RPAP2: variants seen among roughly 807,000 people sequenced by gnomAD.
RPAP2 encodes the protein RNA polymerase II associated protein 2.
A neutral mutation model predicts 73.1 loss-of-function variants in RPAP2; 52 were observed. The ratio of observed to expected loss-of-function variants is 0.71; its 90% confidence interval spans 0.57 to 0.90. RPAP2 has a LOEUF of 0.90. Ranked by LOEUF, RPAP2 falls within the 40% of genes least tolerant of loss-of-function variation. The pLI is 0.00. For missense variants in RPAP2, 598 were observed against 701.8 expected (o/e 0.85, Z 1.67); for synonymous variants, 225 against 242.1 (o/e 0.93, Z 0.65).
intron 12 of RPAP2, among the ~76,000 whole-genome samples, chr1:92,381,645 A>G (rs1655642439): frequency 6.6e-6 from 1 of 151,214 alleles, no homozygotes; most frequent in African/African-American, 2.4e-5. Context: ...AATGTTGTAA[A>G]ATAAAAATTA....
chr1:92,393,830 A>T lies in RPAP2; in HGVS notation c.*6819A>T, dbSNP rs1656115013. 1 of 152,088 alleles carries T rather than the reference A, an allele frequency of 6.6e-6. No individual in the cohort carries two copies. Among genetic ancestry groups the T allele is most frequent in the South Asian group, 2.1e-4 (1 of 4,826 alleles). 9.4% of individuals were successfully genotyped at this position (152,088 alleles called of 1,614,324 possible). Reference sequence around the variant, plus strand: ...ATCATTAAAAATCAGGAAACAATAGATGCTGGAGAGGTTGTGGAAAAATTG... The same window carrying T: ...ATCATTAAAAATCAGGAAACAATAGTTGCTGGAGAGGTTGTGGAAAAATTG... On this transcript the variant is annotated 3_prime_UTR_variant, in exon 13 of 13. Transcript: ENST00000610020.
intron 12 of RPAP2, among the ~76,000 whole-genome samples, chr1:92,381,494 A>C (rs1186109034): frequency 6.6e-6 from 1 of 151,816 alleles, no homozygotes; most frequent in Admixed American, 6.6e-5. Context: ...ATTTCACACA[A>C]TCCCAAAGTG....
In RPAP2 at chr1:92,380,833, A is replaced by G. The variant is rs369665737; in HGVS notation, c.1798A>G (p.Ser600Gly). The change falls in exon 12 of 13, where the codon AGT (serine) becomes GGT (glycine). Residue 600 changes from serine to glycine, a missense_variant. This residue lies in a region of RPAP2 where 15 missense variants were observed against 33.3 expected (regional missense o/e 0.45). Transcript: ENST00000610020. ...ELHLKNEDLESLTIIFRTSCL... is the reference protein window; with the variant it reads ...ELHLKNEDLEGLTIIFRTSCL... ...ACATCTAAAAAATGAAGACCTTGAA[A>G]GTCTAACCATCATATTTAGAACCAG... 34 of 1,603,968 alleles carry G rather than the reference A, an allele frequency of 2.1e-5. 1 individual carries two copies. The highest frequency in any genetic ancestry group is 3.4e-6 in the Non-Finnish European group (4 of 1,176,506).
At chr1:92,349,076 G>A (rs1654065388) in intron 11 of RPAP2, among the ~76,000 whole-genome samples, 1 of 152,048 alleles carries the variant, frequency 6.6e-6, no homozygotes, top group South Asian at 2.1e-4. Flanking sequence ...GGCATACATG[G>A]GTGTATGTCT....
At chr1:92,359,231 G>A (rs1654624942) in intron 11 of RPAP2, among the ~76,000 whole-genome samples, 1 of 152,210 alleles carries the variant, frequency 6.6e-6, no homozygotes, top group Admixed American at 6.5e-5. Flanking sequence ...AAGATATTAA[G>A]ACAGGTGGCT....
At chr1:92,312,418 C>CAA (rs55719262) in intron 6 of RPAP2, among the ~76,000 whole-genome samples, 1 of 146,736 alleles carries the variant, frequency 6.8e-6, no homozygotes, top group African/African-American at 2.5e-5. Flanking sequence ...GACCGTGTCT[C>CAA]AAAAAAAAAA....
Position 92,323,905 on chromosome 1 carries a change from A to G in RPAP2, c.985A>G (p.Ile329Val), listed in dbSNP as rs765093281. The change falls in exon 8 of 13, where the codon ATA (isoleucine) becomes GTA (valine). Residue 329 changes from isoleucine (I) to valine (V), a missense_variant. Physicochemically the swap from Ile to Val is conservative, Grantham distance 29. This residue lies in a region of RPAP2 where 506 missense variants were observed against 612.8 expected (regional missense o/e 0.83). Coordinates refer to ENST00000610020, the MANE Select transcript of RPAP2 (RefSeq NM_024813.3). ...TAGGTCAGAAATAACTCTAGTAGGC[A>G]TAAGTAAGAAAAGTGCAGAGCATTT... Reference protein sequence around the residue: ...YSRSEITLVGISKKSAEHFKR... With the variant: ...YSRSEITLVGVSKKSAEHFKR... The G allele has an allele frequency of 2.5e-6, 4 of 1,614,064 alleles. No homozygotes were observed. The African/African-American group carries it at 4.0e-5, about 16-fold the overall frequency.
intron 11 of RPAP2, among the ~76,000 whole-genome samples, chr1:92,369,217 T>A (rs1159956654): frequency 6.6e-6 from 1 of 152,236 alleles, no homozygotes; most frequent in Non-Finnish European, 1.5e-5. Flanking sequence ...TCAGCTGTAG[T>A]ATAAATTACT....
intron 2 of RPAP2, among the ~76,000 whole-genome samples, chr1:92,300,641 TA>T (rs144767171): frequency 0.011 from 1,663 of 152,324 alleles, 31 homozygotes; most frequent in Non-Finnish European, 0.013. Flanking sequence ...GTTCTGGTTC[TA>T]AAAAGGCAAG....
At chr1:92,320,838 T>C (rs1652211719) in intron 7 of RPAP2, among the ~76,000 whole-genome samples, 1 of 152,212 alleles carries the variant, frequency 6.6e-6, no homozygotes, top group South Asian at 2.1e-4. Flanking sequence ...GTATGATTTA[T>C]TGTACAGCTG....
chr1:92,319,905 G>A (rs1652144184), intron 6 of RPAP2, among the ~76,000 whole-genome samples: 1 of 151,926 alleles, frequency 6.6e-6, no homozygotes, highest in Non-Finnish European at 1.5e-5. Context: ...GGCTGAGGCA[G>A]GAGAATCACT....
At chr1:92,304,937 G>C (rs950697372) in intron 5 of RPAP2, among the ~76,000 whole-genome samples, 1 of 151,870 alleles carries the variant, frequency 6.6e-6, no homozygotes, top group Admixed American at 6.6e-5. Context: ...AGGAGTTGGA[G>C]GCCAGCCTGG....
chr1:92,386,400 C>T (rs1271990362), intron 12 of RPAP2, among the ~76,000 whole-genome samples: 1 of 152,140 alleles, frequency 6.6e-6, no homozygotes, highest in Non-Finnish European at 1.5e-5. Context: ...CTGAGGACAG[C>T]CCTGAACCAA....
intron 3 of RPAP2, among the ~76,000 whole-genome samples, chr1:92,302,332 A>G (rs1310391774): frequency 7.6e-6 from 1 of 132,404 alleles, no homozygotes. Context: ...ATGGGGGAGA[A>G]AAAAAAAAAA....
At chr1:92,351,723 CAT>C (rs957056134) in intron 11 of RPAP2, among the ~76,000 whole-genome samples, 2 of 152,278 alleles carry the variant, frequency 1.3e-5, no homozygotes, top group African/African-American at 2.4e-5. Flanking sequence ...AAAGAGAAGA[CAT>C]ATAGAAGGCT....
chr1:92,304,087 A>C lies in RPAP2; in HGVS notation c.333+12A>C. On this transcript the variant is annotated intron_variant, in intron 4 of 12. Coordinates refer to ENST00000610020, the MANE Select transcript of RPAP2 (RefSeq NM_024813.3). ...AGAAGCTGGGAATTGTAAGTAACTCATTTTTTTTAAAATATAGGCTTTTAT... is the reference window on the plus strand; with the variant it reads ...AGAAGCTGGGAATTGTAAGTAACTCCTTTTTTTTAAAATATAGGCTTTTAT... The C allele has an allele frequency of 1.9e-6, 3 of 1,553,626 alleles. No homozygotes were observed. The highest frequency in any genetic ancestry group is 2.6e-6 in the Non-Finnish European group (3 of 1,137,504).
At chr1:92,358,768 G>A (rs916784579) in intron 11 of RPAP2, among the ~76,000 whole-genome samples, 1 of 151,880 alleles carries the variant, frequency 6.6e-6, no homozygotes, top group East Asian at 1.9e-4. Context: ...AAAAAAAATT[G>A]TAGAGATAGG....
At chr1:92,375,797 C>T (rs1483299720) in intron 11 of RPAP2, among the ~76,000 whole-genome samples, 1 of 151,968 alleles carries the variant, frequency 6.6e-6, no homozygotes, top group Non-Finnish European at 1.5e-5. Context: ...AGCCACTGCA[C>T]CCCAGCCTGG....
At chr1:92,343,313 T>G (rs2101288011) in intron 10 of RPAP2, among the ~76,000 whole-genome samples, 1 of 152,306 alleles carries the variant, frequency 6.6e-6, no homozygotes, top group South Asian at 2.1e-4. Flanking sequence ...CAGTTAATCC[T>G]CACAAGAACC....
Sources: allele counts gnomAD v4.1 joint callset (sites outside exome capture counted in the v4.1 genomes callset), GRCh38; gene constraint gnomAD v4.1.1; regional missense constraint gnomAD v4.1.1; transcripts MANE v1.5; gene names NCBI Gene and HGNC (gene_info 2026-07-23, HGNC 2026-07-21).